HTRA1: variants seen among roughly 807,000 people sequenced by gnomAD.
HTRA1 encodes serine protease HTRA1.
A neutral mutation model predicts 49.7 loss-of-function variants in HTRA1; 26 were observed. The ratio of observed to expected loss-of-function variants is 0.52; its 90% confidence interval spans 0.38 to 0.73. The LOEUF is 0.73. Ranked by LOEUF, HTRA1 falls within the 30% of genes least tolerant of loss-of-function variation. The pLI is 0.00. For synonymous variants in HTRA1, 291 were observed against 286.9 expected, an observed-to-expected ratio of 1.01 and a Z score of -0.14; for missense variants, 561 against 667.2, an observed-to-expected ratio of 0.84 and a Z score of 1.75.
chr10:122,486,610 A>G (rs1195564202), intron 1 of HTRA1, among the ~76,000 whole-genome samples: 1 of 152,156 alleles, frequency 6.6e-6, no homozygotes, highest in Non-Finnish European at 1.5e-5. Context: ...TTCGTGACCC[A>G]GTGCAGCAGG....
Position 122,461,684 on chromosome 10 carries a change from T to C in HTRA1, c.32T>C (p.Leu11Pro). ...ATCCCGCGCGCCGCTCTTCTCCCGCTGCTGCTGCTGCTGCTGGCGGCGCCC... is the reference window on the plus strand; with the variant it reads ...ATCCCGCGCGCCGCTCTTCTCCCGCCGCTGCTGCTGCTGCTGGCGGCGCCC... MQIPRAALLP[L>P]LLLLLAAPAS... Residue 11 changes from leucine to proline, a missense_variant, in exon 1 of 9, where the codon CTG (leucine) becomes CCG (proline). Around this residue, in one of 3 missense-constraint regions of HTRA1, gnomAD observed 111 missense variants for 83.7 expected, o/e 1.33. Coordinates refer to ENST00000368984, the MANE Select transcript of HTRA1 (RefSeq NM_002775.5). The C allele has an allele frequency of 1.7e-6, 2 of 1,153,386 alleles. No homozygotes were observed. Among genetic ancestry groups the C allele is most frequent in the Non-Finnish European group, 2.2e-6 (2 of 901,638 alleles). 71.4% of individuals were successfully genotyped at this position (1,153,386 alleles called of 1,614,324 possible).
chr10:122,471,825 C>T (rs758634502), intron 1 of HTRA1, among the ~76,000 whole-genome samples: 3 of 152,176 alleles, frequency 2.0e-5, no homozygotes, highest in Non-Finnish European at 2.9e-5. Flanking sequence ...GGAGAGGCCA[C>T]GGTCCATGCT....
At chr10:122,482,953 T>TG (rs1190212129) in intron 1 of HTRA1, among the ~76,000 whole-genome samples, 1 of 150,508 alleles carries the variant, frequency 6.6e-6, no homozygotes, top group East Asian at 1.9e-4. Context: ...CACATATTCA[T>TG]TTTGTGCTTA....
At position 122,482,141 on chromosome 10, in the gene HTRA1, C is replaced by T. The variant is rs916362095; in HGVS notation, c.473-6761C>T. On this transcript the variant is annotated intron_variant, in intron 1 of 8. Coordinates refer to ENST00000368984, the MANE Select transcript of HTRA1 (RefSeq NM_002775.5). ...ATTTGTGTCCCTATAACACAGTGGT[C>T]ATTAAAAAAAGACATTTTAATTTCA... Among the ~76,000 whole-genome samples the T allele has an allele frequency of 5.3e-5, 8 of 152,028 alleles. No individual in the cohort carries two copies. In the East Asian group the frequency reaches 1.5e-3, roughly 29 times the overall value.
At chr10:122,508,805 A>C (rs369953066) in intron 6 of HTRA1, 35 bp downstream of exon 6, 2 of 1,267,392 alleles carry the variant, frequency 1.6e-6, no homozygotes, top group Non-Finnish European at 2.3e-6. Context: ...GGGACTCCGG[A>C]GATGGGGCCT....
At chr10:122,495,825 A>G (rs2097498336) in intron 3 of HTRA1, among the ~76,000 whole-genome samples, 1 of 152,172 alleles carries the variant, frequency 6.6e-6, no homozygotes, top group African/African-American at 2.4e-5. Context: ...TTGACAGTTT[A>G]TCAAGTGTGT....
chr10:122,479,263 G>C (rs937033064), intron 1 of HTRA1, among the ~76,000 whole-genome samples: 9 of 152,166 alleles, frequency 5.9e-5, no homozygotes, highest in Non-Finnish European at 5.9e-5. Context: ...TGTGGGCTGC[G>C]GGGGGCTGGA....
At chr10:122,512,140 T>G in intron 8 of HTRA1, 75 bp downstream of exon 8, 6 of 1,019,078 alleles carry the variant, frequency 5.9e-6, no homozygotes, top group Non-Finnish European at 7.8e-6. Context: ...GGGAGCGCTG[T>G]TCCTTTTCTA....
chr10:122,476,207 C>T (rs528652678), intron 1 of HTRA1, among the ~76,000 whole-genome samples: 70 of 152,294 alleles, frequency 4.6e-4, no homozygotes, highest in African/African-American at 1.5e-3. Flanking sequence ...CTGCAGTTCA[C>T]GGCTCAGTTA....
intron 4 of HTRA1, among the ~76,000 whole-genome samples, 171 bp from the exon 5 acceptor site, chr10:122,507,199 A>ATTGT (rs762172527): frequency 2.0e-5 from 3 of 152,122 alleles, no homozygotes; most frequent in Non-Finnish European, 2.9e-5. Flanking sequence ...CTTTCTGAAA[A>ATTGT]TTGTTAAGGT....
At chr10:122,489,272 G>C in intron 2 of HTRA1, 150 bp from the exon 3 acceptor site, 1 of 800,998 alleles carries the variant, frequency 1.2e-6, no homozygotes, top group Admixed American at 2.2e-5. Flanking sequence ...GCAAAAAATT[G>C]GCAGGATGTT....
rs1330465623 is a variant in HTRA1, at chr10:122,514,360, G to A, written c.*1G>A. On this transcript the variant is annotated 3_prime_UTR_variant, in exon 9 of 9. Transcript: ENST00000368984. ...GATTCCCGAAGAAATTGACCCATAG[G>A]CAGAGGCATGAGCTGGACTTCATGT... is the stretch of plus-strand genomic sequence containing the variant. The A allele has an allele frequency of 1.9e-6, 3 of 1,613,908 alleles. No individual in the cohort carries two copies. The highest frequency in any genetic ancestry group is 1.3e-5 in the African/African-American group (1 of 75,024).
intron 5 of HTRA1, 90 bp from the exon 6 acceptor site, chr10:122,508,566 C>T: frequency 2.3e-6 from 2 of 876,794 alleles, no homozygotes; most frequent in Non-Finnish European, 3.9e-6. Context: ...TGAAATAGCT[C>T]AGGGACTTCT....
rs2097506898 is a variant in HTRA1, at chr10:122,514,185, T to C, written c.1275-6T>C. 6.2e-7 allele frequency: 1 copy of C among 1,613,454 alleles called. No homozygotes were observed. The highest frequency in any genetic ancestry group is 1.3e-5 in the African/African-American group (1 of 74,894). ...CATTGCCATTGTGTTTCCCTTTGTG[T>C]TGCAGTGGTGGTCTCAAGGAAAACG... is the stretch of plus-strand genomic sequence containing the variant. On this transcript the variant is annotated splice_region_variant and splice_polypyrimidine_tract_variant and intron_variant, in intron 8 of 8. Transcript: ENST00000368984.
At chr10:122,493,826 C>T (rs879662600) in intron 3 of HTRA1, among the ~76,000 whole-genome samples, 1 of 151,702 alleles carries the variant, frequency 6.6e-6, no homozygotes, top group Non-Finnish European at 1.5e-5. Context: ...CTCTCTCTGC[C>T]CCTCCTCCCC....
rs955825517 is a variant in HTRA1 at position 122,510,054 on chromosome 10, C to A, written c.1121-42C>A. On this transcript the variant is annotated intron_variant, in intron 6 of 8. Transcript: ENST00000368984. ...CCCCTGGTGTCCCCAGCACCCCCAC[C>A]AACTGGGCTGACCTTCTGCTGTCCC... The A allele has an allele frequency of 2.1e-5, 34 of 1,582,054 alleles. 1 individual carries two copies. The highest frequency in any genetic ancestry group is 2.9e-5 in the Non-Finnish European group (33 of 1,151,014).
intron 5 of HTRA1, 130 bp from the exon 6 acceptor site, chr10:122,508,525 TC>T (rs1289838798): frequency 1.7e-4 from 128 of 762,202 alleles, no homozygotes; most frequent in Non-Finnish European, 6.0e-5. Context: ...GCCACGGGGA[TC>T]CCCTCCTTGC....
At chr10:122,508,830 C>T (rs1591041035) in intron 6 of HTRA1, 60 bp downstream of exon 6, 6 of 1,017,758 alleles carry the variant, frequency 5.9e-6, no homozygotes, top group African/African-American at 4.7e-5. Flanking sequence ...CTCAGCTGCC[C>T]TTTGGGACTT....
At chr10:122,503,551 T>G (rs903551316) in intron 3 of HTRA1, among the ~76,000 whole-genome samples, 3 of 152,204 alleles carry the variant, frequency 2.0e-5, no homozygotes, top group African/African-American at 7.2e-5. Flanking sequence ...TTTCTGCCTG[T>G]GATTGGAATT....
Sources: gnomAD v4.1 joint callset for allele counts (sites outside exome capture counted in the v4.1 genomes callset) on GRCh38, gnomAD v4.1.1 for gene constraint, gnomAD v4.1.1 regional missense constraint, MANE v1.5 for transcripts, NCBI Gene and HGNC (gene_info 2026-07-23, HGNC 2026-07-21) for gene names.